Variants in SLX4IP observed in about 807,000 individuals in gnomAD.
SLX4IP encodes protein SLX4IP.
In SLX4IP, 34 loss-of-function variants were observed where a neutral mutation model predicts 32.9. The ratio of observed to expected loss-of-function variants is 1.03; its 90% confidence interval spans 0.79 to 1.38. The LOEUF (loss-of-function observed/expected upper bound fraction) is 1.38, where lower values mean the gene tolerates loss of function less well. Ranked by LOEUF, SLX4IP falls within the 40% of genes most tolerant of loss-of-function variation. SLX4IP has a pLI of 0.00. For missense variants in SLX4IP, 444 were observed against 479.0 expected (o/e 0.93, Z 0.68); for synonymous variants, 172 against 171.7 (o/e 1.00, Z -0.01).
chr20:10,549,913 A>C (rs78406757), intron 2 of SLX4IP, among the ~76,000 whole-genome samples: 3 of 152,346 alleles, frequency 2.0e-5, no homozygotes, highest in East Asian at 3.9e-4. Context: ...TGTAAGATAT[A>C]TGCAGTTTGT....
chr20:10,598,709 G>A lies in SLX4IP; in HGVS notation c.273G>A (p.Lys91=), dbSNP rs1158680123. The A allele has an allele frequency of 6.2e-7, 1 of 1,614,044 alleles. No individual in the cohort carries two copies. Among genetic ancestry groups the A allele is most frequent in the Non-Finnish European group, 8.5e-7 (1 of 1,180,018 alleles). ...YGFQITAYFL[K]RGIRLRCIRS... is the part of the protein sequence containing the mutation. ...TTCAAATCACAGCCTATTTCCTCAAGAGAGGGATACGCCTTCGCTGCATCA... is the reference window on the plus strand; with the variant it reads ...TTCAAATCACAGCCTATTTCCTCAAAAGAGGGATACGCCTTCGCTGCATCA... Residue 91 remains lysine, a synonymous_variant, in exon 5 of 8, where the codon AAG becomes AAA. Coordinates refer to ENST00000334534, the MANE Select transcript of SLX4IP (RefSeq NM_001009608.3).
intron 2 of SLX4IP, among the ~76,000 whole-genome samples, chr20:10,533,710 C>T (rs1379675145): frequency 6.6e-6 from 1 of 151,632 alleles, no homozygotes; most frequent in Non-Finnish European, 1.5e-5. Flanking sequence ...AGCTCCACCT[C>T]CCGAGCTCAA....
chr20:10,528,146 G>T (rs905294975), intron 2 of SLX4IP, among the ~76,000 whole-genome samples: 3 of 151,998 alleles, frequency 2.0e-5, no homozygotes, highest in African/African-American at 7.2e-5. Context: ...TTTAACTTTT[G>T]CAGTTAATTA....
chr20:10,621,247 T>C, intron 6 of SLX4IP, 67 bp from the exon 7 acceptor site: 4 of 1,364,732 alleles, frequency 2.9e-6, no homozygotes, highest in Non-Finnish European at 4.2e-6. Context: ...GCATTCAGAG[T>C]GTAACTGTTT....
chr20:10,567,083 A>C (rs114539247), intron 4 of SLX4IP, among the ~76,000 whole-genome samples: 19 of 152,262 alleles, frequency 1.2e-4, no homozygotes, highest in African/African-American at 4.6e-4. Context: ...TGGGTAGGTT[A>C]AGTCTGTGTT....
intron 1 of SLX4IP, among the ~76,000 whole-genome samples, chr20:10,456,350 G>T (rs2065285232): frequency 6.6e-6 from 1 of 151,998 alleles, no homozygotes; most frequent in African/African-American, 2.4e-5. Context: ...TATTTTATTT[G>T]ATAGTTTTTC....
chr20:10,566,283 A>ATTTTTT (rs59907123), intron 4 of SLX4IP, among the ~76,000 whole-genome samples: 8 of 97,878 alleles, frequency 8.2e-5, no homozygotes, highest in East Asian at 3.2e-4. Flanking sequence ...AACTGATTAC[A>ATTTTTT]TTTTTTTTTT....
rs1397944988 is a variant in SLX4IP, at chr20:10,624,051, A to G, written c.*672A>G. 1.3e-5 allele frequency: 2 copies of G among 152,454 alleles called. No individual in the cohort carries two copies. Among genetic ancestry groups the G allele is most frequent in the African/African-American group, 2.4e-5 (1 of 41,450 alleles). The allele number at this position is 152,454 out of a possible 1,614,324, so 9.4% of individuals were successfully genotyped here. A position where few individuals can be genotyped will look rare whatever the true frequency, so the allele number is the denominator to read the frequency against. ...GCTCACCAGTTGGGGCCAGATGTGC[A>G]CATGCATCCCCTCGGACTCCCTCAA... On this transcript the variant is annotated 3_prime_UTR_variant, in exon 8 of 8. Transcript: ENST00000334534.
intron 4 of SLX4IP, among the ~76,000 whole-genome samples, chr20:10,566,255 G>T (rs1175610592): frequency 2.7e-5 from 4 of 146,118 alleles, no homozygotes; most frequent in Admixed American, 6.8e-5. Context: ...TTAGCACTGG[G>T]TATGTTTCAC....
At chr20:10,550,098 A>T (rs574055639) in intron 2 of SLX4IP, among the ~76,000 whole-genome samples, 20 of 152,166 alleles carry the variant, frequency 1.3e-4, no homozygotes, top group Non-Finnish European at 1.9e-4. Flanking sequence ...CTTGACTCTG[A>T]TTGGTGCTGT....
chr20:10,461,361 C>A (rs1885574906), intron 2 of SLX4IP, among the ~76,000 whole-genome samples: 1 of 152,246 alleles, frequency 6.6e-6, no homozygotes, highest in Non-Finnish European at 1.5e-5. Flanking sequence ...AGGCTTGGAA[C>A]AAAGCTTCCA....
chr20:10,560,659 A>G, intron 3 of SLX4IP, 41 bp from the exon 4 acceptor site: 1 of 1,391,514 alleles, frequency 7.2e-7, no homozygotes, highest in South Asian at 1.5e-5. Flanking sequence ...ATTTTTTTGC[A>G]TTAAATTTGA....
chr20:10,445,399 TCCA>T (rs891686367), intron 1 of SLX4IP, among the ~76,000 whole-genome samples: 10 of 137,974 alleles, frequency 7.2e-5, no homozygotes, highest in African/African-American at 2.6e-4. Context: ...CACTGCAAAC[TCCA>T]CCTCCTAGGT....
At chr20:10,587,474 GAATA>G (rs2122533121) in intron 4 of SLX4IP, among the ~76,000 whole-genome samples, 1 of 152,066 alleles carries the variant, frequency 6.6e-6, no homozygotes, top group South Asian at 2.1e-4. Context: ...CCAGCCCAAA[GAATA>G]AAACAGGAAA....
chr20:10,566,258 T>C (rs2066391463), intron 4 of SLX4IP, among the ~76,000 whole-genome samples: 1 of 151,814 alleles, frequency 6.6e-6, no homozygotes, highest in Non-Finnish European at 1.5e-5. Context: ...GCACTGGGTA[T>C]GTTTCACCAG....
chr20:10,569,234 G>A (rs1270421978), intron 4 of SLX4IP, among the ~76,000 whole-genome samples: 1 of 148,940 alleles, frequency 6.7e-6, no homozygotes, highest in Non-Finnish European at 1.5e-5. Flanking sequence ...CGCCCAGGCT[G>A]GAGTGCAATG....
chr20:10,545,309 A>G (rs1276600898), intron 2 of SLX4IP, among the ~76,000 whole-genome samples: 1 of 152,206 alleles, frequency 6.6e-6, no homozygotes, highest in Non-Finnish European at 1.5e-5. Context: ...CTGAAATAGT[A>G]GAAACTCCTC....
chr20:10,553,257 C>T (rs996900441), intron 2 of SLX4IP, among the ~76,000 whole-genome samples: 1 of 152,128 alleles, frequency 6.6e-6, no homozygotes, highest in Non-Finnish European at 1.5e-5. Flanking sequence ...ATCATTTATG[C>T]TTATCGCCAC....
Position 10,574,920 on chromosome 20 carries a change from G to A in SLX4IP, c.238+14100G>A, listed in dbSNP as rs142638726. On this transcript the variant is annotated intron_variant, in intron 4 of 7. Coordinates refer to ENST00000334534, the MANE Select transcript of SLX4IP (RefSeq NM_001009608.3). ...ACTCCTGATCTCAGGTTATCCACCCGCCTTGGCCTCCAAAAGTGCTGGGAT... is the reference window on the plus strand; with the variant it reads ...ACTCCTGATCTCAGGTTATCCACCCACCTTGGCCTCCAAAAGTGCTGGGAT... Among the ~76,000 whole-genome samples, 873 of 152,064 alleles carry A rather than the reference G, an allele frequency of 5.7e-3. 7 individuals are homozygous for A. Among genetic ancestry groups the A allele is most frequent in the African/African-American group, 0.02 (827 of 41,482 alleles).
Sources: allele counts gnomAD v4.1 joint callset (sites outside exome capture counted in the v4.1 genomes callset), GRCh38; gene constraint gnomAD v4.1.1; transcripts MANE v1.5; gene names NCBI Gene and HGNC (gene_info 2026-07-23, HGNC 2026-07-21).